Variants in USH2A observed in about 807,000 individuals in gnomAD.
USH2A encodes usherin.
A neutral mutation model predicts 538.9 loss-of-function variants in USH2A; 443 were observed. That is an observed-to-expected ratio of 0.82 (90% CI 0.76 to 0.89). The LOEUF (loss-of-function observed/expected upper bound fraction) is 0.89, where lower values mean the gene tolerates loss of function less well. Ranked by LOEUF, USH2A falls within the 40% of genes least tolerant of loss-of-function variation. The pLI is 0.00. For synonymous variants in USH2A, 2,413 were observed against 2,273.5 expected (o/e 1.06, Z -1.75); for missense variants, 6,633 against 6,324.8 (o/e 1.05, Z -1.65).
At chr1:215,874,095 G>C (rs1330179346) in intron 43 of USH2A, among the ~76,000 whole-genome samples, 1 of 152,176 alleles carries the variant, frequency 6.6e-6, no homozygotes, top group Non-Finnish European at 1.5e-5. Context: ...GTAGATTGAT[G>C]CTTAAAATGA....
intron 64 of USH2A, among the ~76,000 whole-genome samples, chr1:215,670,015 C>A (rs1180960489): frequency 6.6e-6 from 1 of 152,146 alleles, no homozygotes; most frequent in Non-Finnish European, 1.5e-5. Flanking sequence ...TCTTTGACTG[C>A]AAGCAAGAGG....
At chr1:215,983,341 T>C (rs991888846) in intron 35 of USH2A, among the ~76,000 whole-genome samples, 23 of 152,282 alleles carry the variant, frequency 1.5e-4, no homozygotes, top group African/African-American at 5.3e-4. Context: ...ATTTCACTAA[T>C]GATAACAAAG....
intron 21 of USH2A, among the ~76,000 whole-genome samples, chr1:216,103,837 G>A (rs1003389278): frequency 6.6e-6 from 1 of 152,032 alleles, no homozygotes; most frequent in African/African-American, 2.4e-5. Flanking sequence ...TCCAGGAACT[G>A]CAAATTAAAA....
intron 13 of USH2A, 60 bp from the exon 14 acceptor site, chr1:216,232,196 C>A: frequency 3.3e-6 from 5 of 1,526,096 alleles, no homozygotes; most frequent in Non-Finnish European, 4.4e-6. Context: ...TTATTTAAAG[C>A]ATAATAATTG....
intron 38 of USH2A, among the ~76,000 whole-genome samples, chr1:215,912,494 TATATATATATATATATACG>T (rs1665826674): frequency 4.6e-5 from 1 of 21,786 alleles, no homozygotes; most frequent in Admixed American, 5.2e-4. Flanking sequence ...TATATATGTG[TATATATATATATATATACG>T]TGTATATATA....
intron 9 of USH2A, among the ~76,000 whole-genome samples, chr1:216,308,693 C>A (rs559746959): frequency 7.0e-4 from 106 of 152,214 alleles, no homozygotes; most frequent in African/African-American, 2.3e-3. Flanking sequence ...TTGCCAATTT[C>A]TCTTTCTGGT....
intron 49 of USH2A, among the ~76,000 whole-genome samples, chr1:215,805,550 G>C (rs1662476289): frequency 2.6e-5 from 4 of 152,022 alleles, no homozygotes; most frequent in Admixed American, 2.6e-4. Flanking sequence ...CAATGCCACT[G>C]AATTGTGTGC....
At chr1:216,197,133 G>A (rs889621981) in intron 18 of USH2A, among the ~76,000 whole-genome samples, 1 of 152,134 alleles carries the variant, frequency 6.6e-6, no homozygotes, top group Non-Finnish European at 1.5e-5. Flanking sequence ...ATGTCATTGA[G>A]CCAATCCAAT....
At position 215,786,691 on chromosome 1, in the gene USH2A, C is replaced by T. The variant is rs774882055; in HGVS notation, c.10366G>A (p.Val3456Ile). 4 of 1,614,022 alleles carry T rather than the reference C, an allele frequency of 2.5e-6. No homozygotes were observed. The highest frequency in any genetic ancestry group is 4.5e-5 in the East Asian group (2 of 44,878). ...TTACCTGTGTAAGAGTACGTGTTTA[C>T]ACTCCCTGTATGAATGGTTTCTTCG... The part of the protein sequence containing the change: ...SAEETIHTGS[V>I]NTYSYTDVNL... Residue 3456 changes from valine to isoleucine, a missense_variant, in exon 52 of 72, where the codon GTA (valine) becomes ATA (isoleucine). Val to Ile is a conservative substitution (Grantham distance 29). Coordinates refer to ENST00000307340, the MANE Select transcript of USH2A (RefSeq NM_206933.4).
intron 20 of USH2A, among the ~76,000 whole-genome samples, chr1:216,189,057 AAG>A (rs1161440043): frequency 6.6e-6 from 1 of 151,976 alleles, no homozygotes; most frequent in East Asian, 1.9e-4. Flanking sequence ...TTTATAGGAG[AAG>A]AGTGTTTTGT....
intron 38 of USH2A, among the ~76,000 whole-genome samples, chr1:215,934,155 C>T (rs528030549): frequency 3.9e-5 from 6 of 152,072 alleles, no homozygotes; most frequent in Admixed American, 3.9e-4. Flanking sequence ...CTATCATCTG[C>T]ACCCTGCCCT....
intron 52 of USH2A, among the ~76,000 whole-genome samples, chr1:215,785,241 C>T (rs1661765320): frequency 6.6e-6 from 1 of 152,262 alleles, no homozygotes; most frequent in African/African-American, 2.4e-5. Flanking sequence ...TGTGCCATAG[C>T]AGCACAGGGA....
intron 56 of USH2A, among the ~76,000 whole-genome samples, chr1:215,764,591 G>A (rs1661074664): frequency 6.6e-6 from 1 of 152,120 alleles, no homozygotes; most frequent in Non-Finnish European, 1.5e-5. Context: ...AGAGGCAAGT[G>A]AAAAGAGCTC....
At chr1:216,083,224 G>T in intron 26 of USH2A, 1 of 412,064 alleles carries the variant, frequency 2.4e-6, no homozygotes, top group Non-Finnish European at 4.4e-6. Flanking sequence ...CTTATATCTA[G>T]TCTGTTTTCT....
intron 3 of USH2A, among the ~76,000 whole-genome samples, chr1:216,400,733 G>T (rs921317624): frequency 1.3e-5 from 2 of 152,108 alleles, no homozygotes; most frequent in Non-Finnish European, 2.9e-5. Context: ...CAGTTCAAAT[G>T]ACAACAGATT....
chr1:215,944,230 A>G (rs654702), intron 37 of USH2A, among the ~76,000 whole-genome samples: 36,954 of 152,128 alleles, frequency 0.24, 5,009 homozygotes, highest in Non-Finnish European at 0.31. Flanking sequence ...AGGAATTTTC[A>G]TGATATAACT....
intron 61 of USH2A, among the ~76,000 whole-genome samples, chr1:215,703,852 C>A (rs535178274): frequency 7.8e-6 from 1 of 127,592 alleles, no homozygotes; most frequent in African/African-American, 2.7e-5. Context: ...CCAGGTGCCA[C>A]TGGGGTATGG....
chr1:216,290,497 A>C (rs2036981426), intron 10 of USH2A, among the ~76,000 whole-genome samples: 1 of 152,146 alleles, frequency 6.6e-6, no homozygotes, highest in African/African-American at 2.4e-5. Context: ...CTAAATACAC[A>C]ATACCCATTG....
chr1:215,645,444 T>C (rs1425701195), intron 67 of USH2A, among the ~76,000 whole-genome samples: 1 of 152,182 alleles, frequency 6.6e-6, no homozygotes. Context: ...GTTCAGATCA[T>C]AGTCTATATG....
Sources: allele counts gnomAD v4.1 joint callset (sites outside exome capture counted in the v4.1 genomes callset), GRCh38; gene constraint gnomAD v4.1.1; transcripts MANE v1.5; gene names NCBI Gene and HGNC (gene_info 2026-07-23, HGNC 2026-07-21).